Variants in COL8A1 observed in about 807,000 individuals in gnomAD.
The protein encoded by COL8A1 is collagen alpha-1(VIII) chain.
Under a neutral mutation model 42.7 loss-of-function variants are expected in COL8A1, and 21 were observed. The observed-to-expected ratio is 0.49, with a 90% CI of 0.35 to 0.71. COL8A1 has a LOEUF of 0.71. Ranked by LOEUF, COL8A1 falls within the 30% of genes least tolerant of loss-of-function variation. The probability of loss-of-function intolerance (pLI) is 0.01; values close to 1 mark genes in which losing one functional copy is unlikely to be tolerated. For synonymous variants in COL8A1, 367 were observed against 369.1 expected (o/e 0.99, Z 0.06); for missense variants, 788 against 962.4 (o/e 0.82, Z 2.40).
chr3:99,703,950 C>G (rs928057709), intron 1 of COL8A1, among the ~76,000 whole-genome samples: 7 of 151,968 alleles, frequency 4.6e-5, no homozygotes, highest in African/African-American at 1.7e-4. Flanking sequence ...GCCTTGTTGC[C>G]AAAAGTTCTA....
intron 1 of COL8A1, among the ~76,000 whole-genome samples, chr3:99,714,770 A>G (rs1274499735): frequency 3.3e-5 from 5 of 152,148 alleles, no homozygotes; most frequent in African/African-American, 1.2e-4. Context: ...GGAAAGACAG[A>G]TATTGAATAA....
At chr3:99,790,626 AGTC>A in intron 2 of COL8A1, 51 bp from the exon 3 acceptor site, 1 of 1,462,854 alleles carries the variant, frequency 6.8e-7, no homozygotes, top group South Asian at 1.2e-5. Context: ...AATAAACTCA[AGTC>A]ACTTGGCCTT....
At chr3:99,793,499 T>C (rs1218695258) in intron 3 of COL8A1, among the ~76,000 whole-genome samples, 2 of 151,956 alleles carry the variant, frequency 1.3e-5, no homozygotes, top group East Asian at 1.9e-4. Flanking sequence ...ACATGTTAAG[T>C]GGTTATCTCT....
chr3:99,729,322 C>T (rs903164692), intron 1 of COL8A1, among the ~76,000 whole-genome samples: 1 of 151,970 alleles, frequency 6.6e-6, no homozygotes, highest in African/African-American at 2.4e-5. Flanking sequence ...TTATTCCAAA[C>T]TAATAGAATC....
At chr3:99,730,008 A>G (rs669676) in intron 1 of COL8A1, among the ~76,000 whole-genome samples, 69,437 of 151,982 alleles carry the variant, frequency 0.46, 16,243 homozygotes, top group East Asian at 0.63. Context: ...GAATCAGTAA[A>G]ATAAAATACA....
intron 2 of COL8A1, among the ~76,000 whole-genome samples, chr3:99,763,068 A>G (rs554599214): frequency 2.6e-5 from 4 of 152,326 alleles, no homozygotes; most frequent in African/African-American, 9.6e-5. Flanking sequence ...ATATAAGGCA[A>G]GATATCTGCA....
At chr3:99,792,863 A>G (rs1300442474) in intron 3 of COL8A1, among the ~76,000 whole-genome samples, 1 of 152,240 alleles carries the variant, frequency 6.6e-6, no homozygotes, top group Non-Finnish European at 1.5e-5. Context: ...CAAGAAATTA[A>G]GCAAATCTAC....
chr3:99,750,587 A>G (rs1260290339), intron 2 of COL8A1, among the ~76,000 whole-genome samples: 1 of 152,178 alleles, frequency 6.6e-6, no homozygotes. Context: ...TAAAATGCAA[A>G]TTTTGCTCTC....
In COL8A1 at chr3:99,732,031, T is replaced by C. The variant is rs934165743; in HGVS notation, c.-128-12866T>C. Among the ~76,000 whole-genome samples the C allele has an allele frequency of 2.6e-5, 4 of 152,150 alleles. No individual in the cohort carries two copies. The South Asian group carries it at 8.3e-4, about 31-fold the overall frequency. ...GCTGGAAGGGGCAGAAGAATTCTTT[T>C]CTAGAACCCTCAGAGGGGGCATAGC... On this transcript the variant is annotated intron_variant, in intron 1 of 3. Coordinates refer to ENST00000652472, the MANE Select transcript of COL8A1 (RefSeq NM_020351.4).
Position 99,795,554 on chromosome 3 carries a change from T to C in COL8A1, c.1653T>C (p.Gly551=). The C allele has an allele frequency of 6.2e-7, 1 of 1,606,950 alleles. No individual in the cohort carries two copies. The highest frequency in any genetic ancestry group is 2.2e-5 in the East Asian group (1 of 44,610). The change falls in exon 4 of 4, where the codon GGT becomes GGC. Residue 551 remains glycine, a synonymous_variant. Coordinates refer to ENST00000652472, the MANE Select transcript of COL8A1 (RefSeq NM_020351.4). The stretch of plus-strand genomic sequence containing the variant: ...CCCCAGGGAAGCCTGGTGCCCTTGG[T>C]CCTCAAGGCCAGCCTGGCCTTCCAG... ...HGPPGKPGAL[G]PQGQPGLPGP...
At chr3:99,668,821 C>A (rs1938442319) in intron 1 of COL8A1, among the ~76,000 whole-genome samples, 1 of 151,996 alleles carries the variant, frequency 6.6e-6, no homozygotes, top group Non-Finnish European at 1.5e-5. Context: ...TGATGAATAA[C>A]ACAGGGTGTC....
chr3:99,641,804 A>G (rs1183394095), intron 1 of COL8A1, among the ~76,000 whole-genome samples: 3 of 152,168 alleles, frequency 2.0e-5, no homozygotes, highest in Non-Finnish European at 2.9e-5. Context: ...ATACATGTAC[A>G]TAAGTTAAAG....
Position 99,785,692 on chromosome 3 carries a change from AG to A in COL8A1, c.-3-4987del, listed in dbSNP as rs1941880847. 2.0e-5 allele frequency among the ~76,000 whole-genome samples: 3 copies of A among 152,200 alleles called. No individual in the cohort carries two copies. The South Asian group carries it at 6.2e-4, about 32-fold the overall frequency. On this transcript the variant is annotated intron_variant, in intron 2 of 3. Transcript: ENST00000652472. The stretch of plus-strand genomic sequence containing the variant: ...GGGTGACCAGTGTGGCTGGTAAATA[AG>A]AAGAGGCAATTAGGACACAGACACA...
rs190329282 is a variant in COL8A1, at chr3:99,648,469, T to C, written c.-129+9805T>C. 4.7e-3 allele frequency among the ~76,000 whole-genome samples: 715 copies of C among 152,318 alleles called. 5 individuals are homozygous for C. Among genetic ancestry groups the C allele is most frequent in the Non-Finnish European group, 7.2e-3 (491 of 68,024 alleles). On this transcript the variant is annotated intron_variant, in intron 1 of 3. Coordinates refer to ENST00000652472, the MANE Select transcript of COL8A1 (RefSeq NM_020351.4). ...TTTAATTTCTTTTTCTTTTTTGTTT[T>C]TTTTAATCTAAAAGCATGCTGTCAT...
intron 1 of COL8A1, among the ~76,000 whole-genome samples, chr3:99,693,300 T>G (rs1255338166): frequency 6.6e-6 from 1 of 152,260 alleles, no homozygotes; most frequent in African/African-American, 2.4e-5. Flanking sequence ...TACCATATTT[T>G]TATCATTATT....
chr3:99,707,413 T>C (rs941026206), intron 1 of COL8A1, among the ~76,000 whole-genome samples: 4 of 152,218 alleles, frequency 2.6e-5, no homozygotes, highest in Non-Finnish European at 2.9e-5. Flanking sequence ...GTCTGCTTCA[T>C]GTTAGTGGTA....
At chr3:99,704,402 C>CT (rs139068706) in intron 1 of COL8A1, among the ~76,000 whole-genome samples, 4 of 150,744 alleles carry the variant, frequency 2.7e-5, no homozygotes, top group Admixed American at 1.3e-4. Context: ...AGGCTTATAT[C>CT]TTTTTTTTTC....
intron 1 of COL8A1, among the ~76,000 whole-genome samples, chr3:99,667,633 G>T (rs771125037): frequency 1.3e-5 from 2 of 152,102 alleles, no homozygotes; most frequent in Non-Finnish European, 2.9e-5. Flanking sequence ...GAACTAATAA[G>T]ACAGGATGCG....
At chr3:99,671,363 A>G (rs139884840) in intron 1 of COL8A1, among the ~76,000 whole-genome samples, 8 of 152,122 alleles carry the variant, frequency 5.3e-5, no homozygotes, top group Non-Finnish European at 1.0e-4. Context: ...TTAACTAACA[A>G]AAAAGTTACA....
Sources: gnomAD v4.1 joint callset for allele counts (sites outside exome capture counted in the v4.1 genomes callset) on GRCh38, gnomAD v4.1.1 for gene constraint, MANE v1.5 for transcripts, NCBI Gene and HGNC (gene_info 2026-07-23, HGNC 2026-07-21) for gene names.